GPC6: variants seen among roughly 807,000 people sequenced by gnomAD.
GPC6 encodes the protein glypican 6.
A neutral mutation model predicts 55.2 loss-of-function variants in GPC6; 14 were observed. The ratio of observed to expected loss-of-function variants is 0.25; its 90% CI spans 0.17 to 0.40. GPC6 has a LOEUF of 0.40. Ranked by LOEUF, GPC6 falls within the 10% of genes least tolerant of loss-of-function variation. GPC6 has a pLI of 1.00. For missense variants in GPC6, 641 were observed against 708.5 expected (o/e 0.90, Z 1.08); for synonymous variants, 278 against 259.6 (o/e 1.07, Z -0.68).
intron 4 of GPC6, among the ~76,000 whole-genome samples, chr13:94,251,317 G>A (rs1194659276): frequency 2.0e-5 from 3 of 151,646 alleles, no homozygotes; most frequent in African/African-American, 7.3e-5. Context: ...GGGGGGCAAA[G>A]CGGGGGAGAG....
At chr13:93,457,406 G>A (rs1467569321) in intron 1 of GPC6, among the ~76,000 whole-genome samples, 1 of 152,132 alleles carries the variant, frequency 6.6e-6, no homozygotes, top group African/African-American at 2.4e-5. Flanking sequence ...TATGAATTTT[G>A]GAGAGACAAA....
chr13:93,597,469 G>C (rs1030654654), intron 2 of GPC6, among the ~76,000 whole-genome samples: 7 of 152,076 alleles, frequency 4.6e-5, no homozygotes, highest in African/African-American at 9.7e-5. Context: ...TGGAACCTGG[G>C]CCCCCTTCCA....
chr13:93,426,199 A>G (rs1877119565), intron 1 of GPC6, among the ~76,000 whole-genome samples: 3 of 152,186 alleles, frequency 2.0e-5, no homozygotes, highest in South Asian at 4.1e-4. Context: ...TATAGCTTCT[A>G]TAGTCTAGGC....
intron 4 of GPC6, among the ~76,000 whole-genome samples, chr13:94,207,089 C>A (rs1398674759): frequency 6.6e-6 from 1 of 152,042 alleles, no homozygotes; most frequent in Non-Finnish European, 1.5e-5. Flanking sequence ...ACTGAACTTA[C>A]CCTATCTTGT....
intron 3 of GPC6, among the ~76,000 whole-genome samples, chr13:93,901,681 T>A (rs1876361210): frequency 1.3e-5 from 2 of 152,058 alleles, no homozygotes; most frequent in African/African-American, 4.8e-5. Flanking sequence ...GGTAGGTGGA[T>A]CATGAGGTCA....
rs753155745 is a variant in GPC6, at chr13:93,227,564, G to T, written c.108G>T (p.Ala36=). The change falls in exon 1 of 9, where the codon GCG becomes GCT. Residue 36 remains alanine (A), a synonymous_variant. Transcript: ENST00000377047. This position sits in a 1 kb window ranked among gnomAD's most constrained non-coding sequence, Gnocchi z 4.3. ...GGAGCTGCGGAGAGGTCCGCCAGGCGTACGGTGCCAAGGGATTCAGCCTGG... is the reference window on the plus strand; with the variant it reads ...GGAGCTGCGGAGAGGTCCGCCAGGCTTACGGTGCCAAGGGATTCAGCCTGG... ...KARSCGEVRQ[A]YGAKGFSLAD... The T allele has an allele frequency of 9.9e-5, 160 of 1,612,700 alleles. No homozygotes were observed. Among genetic ancestry groups the T allele is most frequent in the Non-Finnish European group, 1.3e-4 (150 of 1,179,616 alleles).
At chr13:93,805,749 G>C (rs904572990) in intron 2 of GPC6, among the ~76,000 whole-genome samples, 1 of 152,186 alleles carries the variant, frequency 6.6e-6, no homozygotes, top group African/African-American at 2.4e-5. Flanking sequence ...TACTTCCACT[G>C]AAATGTGGCT....
chr13:93,972,014 C>T (rs1192305139), intron 3 of GPC6, among the ~76,000 whole-genome samples: 1 of 152,196 alleles, frequency 6.6e-6, no homozygotes, highest in African/African-American at 2.4e-5. Context: ...ACAGATCCAT[C>T]CCTTAGGCAG....
At chr13:94,372,852 G>C (rs9516406) in intron 6 of GPC6, among the ~76,000 whole-genome samples, 16,115 of 151,356 alleles carry the variant, frequency 0.11, 1,068 homozygotes, top group East Asian at 0.31. Context: ...TCTCCCAGCA[G>C]GCAGCTGGAG....
chr13:93,609,940 A>G (rs1305097987), intron 2 of GPC6, among the ~76,000 whole-genome samples: 2 of 152,136 alleles, frequency 1.3e-5, no homozygotes, highest in African/African-American at 2.4e-5. Context: ...TGATTCTGAT[A>G]GTGTAGTAGA....
intron 4 of GPC6, among the ~76,000 whole-genome samples, chr13:94,240,745 C>T (rs1338276834): frequency 2.0e-5 from 3 of 152,090 alleles, no homozygotes; most frequent in African/African-American, 7.2e-5. Context: ...GGGGGCACAG[C>T]AGTGAGGCCA....
At chr13:93,934,736 A>G (rs1038982242) in intron 3 of GPC6, among the ~76,000 whole-genome samples, 1 of 151,664 alleles carries the variant, frequency 6.6e-6, no homozygotes, top group African/African-American at 2.4e-5. Flanking sequence ...GTGAATTTCC[A>G]TCATCTGAAT....
chr13:94,210,832 C>G (rs909645556), intron 4 of GPC6, among the ~76,000 whole-genome samples: 4 of 152,164 alleles, frequency 2.6e-5, no homozygotes, highest in Non-Finnish European at 5.9e-5. Flanking sequence ...ACTACAAATA[C>G]CAGGGCATAA....
intron 3 of GPC6, among the ~76,000 whole-genome samples, chr13:93,877,992 C>T (rs1032181906): frequency 6.6e-6 from 1 of 151,920 alleles, no homozygotes; most frequent in Non-Finnish European, 1.5e-5. Context: ...AAAAGCAGTA[C>T]ATTTTAAAGT....
intron 2 of GPC6, among the ~76,000 whole-genome samples, chr13:93,725,334 T>G (rs1330432495): frequency 6.6e-6 from 1 of 152,022 alleles, no homozygotes; most frequent in African/African-American, 2.4e-5. Flanking sequence ...AGTTTACTCT[T>G]GGTTGTAAGG....
intron 4 of GPC6, among the ~76,000 whole-genome samples, chr13:94,270,239 A>G (rs1891948960): frequency 6.6e-6 from 1 of 152,220 alleles, no homozygotes; most frequent in East Asian, 1.9e-4. Flanking sequence ...GTCAATTTAA[A>G]GAAATCTATC....
intron 3 of GPC6, among the ~76,000 whole-genome samples, chr13:93,996,177 A>T (rs1047626394): frequency 3.3e-5 from 5 of 152,170 alleles, no homozygotes; most frequent in Admixed American, 2.6e-4. Flanking sequence ...TACCATTAAA[A>T]CTGTAATTTC....
intron 2 of GPC6, among the ~76,000 whole-genome samples, chr13:93,595,286 A>T (rs1877674690): frequency 6.6e-6 from 1 of 152,204 alleles, no homozygotes; most frequent in Non-Finnish European, 1.5e-5. Context: ...TACAATTTTT[A>T]AAAATGCTTA....
intron 1 of GPC6, among the ~76,000 whole-genome samples, chr13:93,432,298 C>G (rs1221682461): frequency 1.3e-5 from 2 of 152,154 alleles, no homozygotes; most frequent in African/African-American, 4.8e-5. Flanking sequence ...GTATGACTCT[C>G]TCTCCGGCCA....
Sources: gnomAD v4.1 joint callset for allele counts (sites outside exome capture counted in the v4.1 genomes callset) on GRCh38, gnomAD v4.1.1 for gene constraint, Gnocchi (gnomAD v3.1) non-coding constraint, MANE v1.5 for transcripts, NCBI Gene and HGNC (gene_info 2026-07-23, HGNC 2026-07-21) for gene names.